Variants in ZBTB20 observed in about 807,000 individuals in gnomAD.
ZBTB20 encodes zinc finger and BTB domain containing 20, also known as zinc finger and BTB domain-containing protein 20.
In ZBTB20, 9 loss-of-function variants were observed where a neutral mutation model predicts 56.9. The observed-to-expected ratio is 0.16, with a 90% CI of 0.10 to 0.28. ZBTB20 has a LOEUF of 0.28. ZBTB20 is among the 10% of genes least tolerant of loss of function. ZBTB20 has a pLI of 1.00. For synonymous variants in ZBTB20, 417 were observed against 420.7 expected (o/e 0.99, Z 0.11); for missense variants, 655 against 1,003.0 (o/e 0.65, Z 4.69).
intron 6 of ZBTB20, among the ~76,000 whole-genome samples, chr3:114,594,404 T>C (rs1033889381): frequency 2.0e-5 from 3 of 151,986 alleles, no homozygotes; most frequent in Non-Finnish European, 4.4e-5. Context: ...GTAGCTGGGA[T>C]TACAGGCACA....
At chr3:114,978,294 T>C (rs1371496801) in intron 2 of ZBTB20, among the ~76,000 whole-genome samples, 2 of 148,436 alleles carry the variant, frequency 1.3e-5, no homozygotes, top group African/African-American at 4.9e-5. Context: ...TAGTAATACT[T>C]ATTACTATTT....
At chr3:114,540,969 A>T (rs1271080794) in intron 6 of ZBTB20, among the ~76,000 whole-genome samples, 7 of 152,214 alleles carry the variant, frequency 4.6e-5, no homozygotes, top group Middle Eastern at 6.8e-3. Context: ...AGAAATACTG[A>T]ACCCTAGGAC....
At chr3:114,419,739 C>A (rs867406626) in intron 7 of ZBTB20, among the ~76,000 whole-genome samples, 1 of 152,026 alleles carries the variant, frequency 6.6e-6, no homozygotes, top group Non-Finnish European at 1.5e-5. Context: ...ATCTACGTTG[C>A]CAAAACAACT....
intron 11 of ZBTB20, among the ~76,000 whole-genome samples, chr3:114,341,564 T>C (rs2079769922): frequency 6.6e-6 from 1 of 152,240 alleles, no homozygotes; most frequent in African/African-American, 2.4e-5. Context: ...CTGTGTGTTT[T>C]TCCTCGAGGC....
intron 5 of ZBTB20, among the ~76,000 whole-genome samples, chr3:114,799,291 A>C (rs557006348): frequency 6.6e-6 from 1 of 152,120 alleles, no homozygotes; most frequent in East Asian, 1.9e-4. Flanking sequence ...ACACAACTTA[A>C]GTGGAAAAAT....
At chr3:114,704,219 C>A (rs1264711306) in intron 5 of ZBTB20, among the ~76,000 whole-genome samples, 1 of 152,112 alleles carries the variant, frequency 6.6e-6, no homozygotes, top group Non-Finnish European at 1.5e-5. Flanking sequence ...TCTTTTATTA[C>A]AAAGACTTCA....
chr3:114,555,331 T>C (rs775403563), intron 6 of ZBTB20, among the ~76,000 whole-genome samples: 3 of 152,118 alleles, frequency 2.0e-5, no homozygotes, highest in Non-Finnish European at 4.4e-5. Flanking sequence ...TGTTTACTGG[T>C]TGGCAGGTAA....
At chr3:114,423,044 C>T (rs2108835093) in intron 7 of ZBTB20, among the ~76,000 whole-genome samples, 1 of 152,242 alleles carries the variant, frequency 6.6e-6, no homozygotes, top group African/African-American at 2.4e-5. Flanking sequence ...AAGCCCTTTT[C>T]TCCCATAATC....
chr3:114,357,004 T>C (rs763402244), intron 10 of ZBTB20, among the ~76,000 whole-genome samples: 1 of 152,178 alleles, frequency 6.6e-6, no homozygotes, highest in Non-Finnish European at 1.5e-5. Flanking sequence ...CTATCTTGGC[T>C]CTATATACCT....
chr3:114,556,663 A>T (rs1054589937), intron 6 of ZBTB20, among the ~76,000 whole-genome samples: 2 of 152,078 alleles, frequency 1.3e-5, no homozygotes, highest in Non-Finnish European at 2.9e-5. Context: ...TCTACTTGAC[A>T]GATCTCTGTT....
At position 114,991,675 on chromosome 3, in the gene ZBTB20, C is replaced by A. The variant is rs140973382; in HGVS notation, c.-506-17259G>T. 4.2e-3 allele frequency among the ~76,000 whole-genome samples: 634 copies of A among 152,056 alleles called. 6 individuals are homozygous for A. The highest frequency in any genetic ancestry group is 0.014 in the African/African-American group (592 of 41,480). On this transcript the variant is annotated intron_variant, in intron 2 of 11. Coordinates refer to ENST00000675478, the MANE Select transcript of ZBTB20 (RefSeq NM_001348800.3). ...GGATATCCTTTTTAACTTTCTGTCT[C>A]GTTGATCTGTCTAATGTTAACAGTG... is the stretch of plus-strand genomic sequence containing the variant.
chr3:115,016,392 G>A (rs970818033), intron 2 of ZBTB20, among the ~76,000 whole-genome samples: 5 of 151,768 alleles, frequency 3.3e-5, no homozygotes, highest in African/African-American at 1.2e-4. Flanking sequence ...CTTCCCCATG[G>A]CTACATCCTG....
At chr3:114,531,020 C>T (rs1008727877) in intron 6 of ZBTB20, among the ~76,000 whole-genome samples, 1 of 152,118 alleles carries the variant, frequency 6.6e-6, no homozygotes, top group African/African-American at 2.4e-5. Flanking sequence ...TATGGCTTTA[C>T]CTACTACTTC....
chr3:114,792,316 C>G (rs1394992296), intron 5 of ZBTB20: 1 of 152,090 alleles, frequency 6.6e-6, no homozygotes, highest in East Asian at 1.9e-4. Flanking sequence ...GGGCTACTAG[C>G]AACATATTGC....
intron 6 of ZBTB20, among the ~76,000 whole-genome samples, chr3:114,577,983 A>G (rs567425977): frequency 9.2e-5 from 14 of 152,334 alleles, no homozygotes; most frequent in African/African-American, 2.6e-4. Flanking sequence ...TAATTGTAAC[A>G]TTCACTCCAG....
At chr3:114,372,130 G>A (rs1293609356) in intron 10 of ZBTB20, among the ~76,000 whole-genome samples, 1 of 152,174 alleles carries the variant, frequency 6.6e-6, no homozygotes, top group African/African-American at 2.4e-5. Context: ...TTTAAGTAAG[G>A]ATGTGAGAAG....
intron 5 of ZBTB20, among the ~76,000 whole-genome samples, chr3:114,697,455 A>C (rs1434653109): frequency 6.6e-6 from 1 of 152,052 alleles, no homozygotes; most frequent in Non-Finnish European, 1.5e-5. Context: ...GGCAACTAGA[A>C]AGGGCCATGG....
intron 5 of ZBTB20, among the ~76,000 whole-genome samples, chr3:114,736,211 A>G (rs2066145912): frequency 6.6e-6 from 1 of 152,168 alleles, no homozygotes; most frequent in African/African-American, 2.4e-5. Flanking sequence ...TAGAGGTTCT[A>G]TTGTCATGAA....
rs558632658 is a variant in ZBTB20 at position 115,129,195 on chromosome 3, T to C, written c.-703+18024A>G. 5.9e-5 allele frequency among the ~76,000 whole-genome samples: 9 copies of C among 152,308 alleles called. No individual in the cohort carries two copies. In the East Asian group the frequency reaches 1.7e-3, roughly 29 times the overall value. ...AAGAAGATTAAACTAGTTAAACATA[T>C]TTTTTAAGAATATTTATGAAAAAAG... On this transcript the variant is annotated intron_variant, in intron 1 of 11. Transcript: ENST00000675478.
Sources: gnomAD v4.1 joint callset for allele counts (sites outside exome capture counted in the v4.1 genomes callset) on GRCh38, gnomAD v4.1.1 for gene constraint, MANE v1.5 for transcripts, NCBI Gene and HGNC (gene_info 2026-07-23, HGNC 2026-07-21) for gene names.